BOP1: variants seen among roughly 807,000 people sequenced by gnomAD.
The protein encoded by BOP1 is BOP1 ribosomal biogenesis factor, also known as ribosome biogenesis protein BOP1.
Under a neutral mutation model 82.9 loss-of-function variants are expected in BOP1, and 54 were observed. The ratio of observed to expected loss-of-function variants is 0.65; its 90% CI spans 0.52 to 0.82. BOP1 has a LOEUF of 0.82. BOP1 is among the 40% of genes least tolerant of loss of function. The pLI is 0.00. For synonymous variants in BOP1, 566 were observed against 451.1 expected (o/e 1.25, Z -3.23); for missense variants, 1,170 against 1,072.0 (o/e 1.09, Z -1.28).
At chr8:144,280,396 C>G (rs1845649157) in intron 2 of BOP1, among the ~76,000 whole-genome samples, 1 of 152,356 alleles carries the variant, frequency 6.6e-6, no homozygotes, top group East Asian at 1.9e-4. Context: ...GCACCAGCAC[C>G]CAGACCCCAG....
intron 3 of BOP1, among the ~76,000 whole-genome samples, chr8:144,271,014 C>T (rs1845483253): frequency 1.3e-5 from 2 of 152,036 alleles, no homozygotes; most frequent in South Asian, 2.1e-4. Flanking sequence ...CCCCGCCCAG[C>T]GCAGCACCTG....
intron 2 of BOP1, among the ~76,000 whole-genome samples, chr8:144,280,539 A>G (rs1340767390): frequency 2.0e-5 from 3 of 152,380 alleles, no homozygotes; most frequent in African/African-American, 7.2e-5. Context: ...ATGCTCCGGC[A>G]CAGGCCAAAC....
intron 3 of BOP1, among the ~76,000 whole-genome samples, chr8:144,270,133 G>C (rs1376010352): frequency 6.6e-5 from 10 of 152,154 alleles, no homozygotes; most frequent in African/African-American, 2.4e-4. Context: ...CCAGGGCAGG[G>C]ACATCAGGGG....
intron 3 of BOP1, chr8:144,266,988 G>A (rs1845385140): frequency 2.8e-5 from 43 of 1,548,540 alleles, no homozygotes; most frequent in Non-Finnish European, 3.4e-5. Flanking sequence ...GCTACATCTC[G>A]CACCTGGGCA....
At chr8:144,273,203 C>G (rs1554837998) in intron 3 of BOP1, among the ~76,000 whole-genome samples, 1 of 152,228 alleles carries the variant, frequency 6.6e-6, no homozygotes, top group East Asian at 1.9e-4. Flanking sequence ...GCCGCCAGCA[C>G]TGGAGGCAGC....
chr8:144,263,802 G>A, intron 9 of BOP1, 29 bp downstream of exon 9: 86 of 1,607,740 alleles, frequency 5.3e-5, no homozygotes, highest in Non-Finnish European at 7.0e-5. Context: ...CTGGGAGGGT[G>A]CAACCCCAGC....
In BOP1 at chr8:144,291,241, G is replaced by A. The variant is rs1215300612; in HGVS notation, c.99+31C>T. On this transcript the variant is annotated intron_variant, in intron 1 of 15. Transcript: ENST00000569669. This position sits in a 1 kb window ranked among gnomAD's most constrained non-coding sequence, Gnocchi z 4.1. ...CGTGCCCGCCGGGCCCTCTAGGGAC[G>A]CGCCCCGCCGCCCCGCATCGCCACA... 1 of 1,437,616 alleles carries A rather than the reference G, an allele frequency of 7.0e-7. No individual in the cohort carries two copies. Among genetic ancestry groups the A allele is most frequent in the Non-Finnish European group, 9.1e-7 (1 of 1,097,586 alleles). The allele number at this position is 1,437,616 out of a possible 1,614,324, so 89.1% of individuals were successfully genotyped here. A position where few individuals can be genotyped will look rare whatever the true frequency, so the allele number is the denominator to read the frequency against.
intron 2 of BOP1, among the ~76,000 whole-genome samples, chr8:144,287,192 T>C (rs995616131): frequency 1.3e-5 from 2 of 151,950 alleles, no homozygotes; most frequent in Admixed American, 1.3e-4. Context: ...ATATTTTTAG[T>C]AGAGACAGGG....
chr8:144,262,436 C>T lies in BOP1; in HGVS notation c.2047G>A (p.Asp683Asn). ...TGGCAGACGATGACACTGCCGTCGT[C>T]CGAGCCTGACGCAAAGAGTGGGTAC... ...PRYPLFASGS[D>N]DGSVIVCHGM... Residue 683 changes from aspartate to asparagine, a missense_variant, in exon 15 of 16, where the codon GAC (aspartate) becomes AAC (asparagine). By Grantham distance (23) the Asp-to-Asn change is conservative. Transcript: ENST00000569669. The T allele has an allele frequency of 1.9e-6, 3 of 1,612,892 alleles. No homozygotes were observed. The highest frequency in any genetic ancestry group is 2.5e-6 in the Non-Finnish European group (3 of 1,179,842).
chr8:144,274,158 G>A (rs1016434069), intron 3 of BOP1, among the ~76,000 whole-genome samples: 3 of 152,074 alleles, frequency 2.0e-5, no homozygotes, highest in African/African-American at 4.8e-5. Context: ...CCACCCACGC[G>A]CTCCAGCTGA....
At chr8:144,266,541 G>T (rs1311845594) in intron 3 of BOP1, 2 of 995,198 alleles carry the variant, frequency 2.0e-6, no homozygotes, top group Admixed American at 6.1e-5. Context: ...GCCGGCCCGC[G>T]AGGCCCGCGG....
At chr8:144,265,636 A>T (rs1845344509) in intron 3 of BOP1, 1 of 162,164 alleles carries the variant, frequency 6.2e-6, no homozygotes, top group Non-Finnish European at 1.4e-5. Context: ...CAGCCTGGGG[A>T]CCGCTGCCCA....
chr8:144,272,663 A>C (rs1220294620), intron 3 of BOP1, among the ~76,000 whole-genome samples: 3 of 152,012 alleles, frequency 2.0e-5, no homozygotes, highest in African/African-American at 7.2e-5. Flanking sequence ...GCAGCCCACA[A>C]GCAGGAGGAC....
chr8:144,264,921 A>T lies in BOP1; in HGVS notation c.541T>A (p.Tyr181Asn), dbSNP rs1324689466. The T allele has an allele frequency of 2.5e-6, 4 of 1,610,690 alleles. No individual in the cohort carries two copies. Among genetic ancestry groups the T allele is most frequent in the Non-Finnish European group, 3.4e-6 (4 of 1,179,450 alleles). The change falls in exon 4 of 16, where the codon TAC (tyrosine) becomes AAC (asparagine). Residue 181 changes from tyrosine (Y) to asparagine (N), a missense_variant. Tyr to Asn is a moderately radical substitution (Grantham distance 143). Coordinates refer to ENST00000569669, the MANE Select transcript of BOP1 (RefSeq NM_015201.5). Reference sequence around the variant, plus strand: ...CCCCACCCCACCAGCCCTCACCAGTAGTCAGGATCGTCCATCTTGTCCAGG... The same window carrying T: ...CCCCACCCCACCAGCCCTCACCAGTTGTCAGGATCGTCCATCTTGTCCAGG... Reference protein sequence around the residue: ...QFLDKMDDPDYWRTVQDPMTG... With the variant: ...QFLDKMDDPDNWRTVQDPMTG...
chr8:144,283,034 CAA>C (rs527621932), intron 2 of BOP1, among the ~76,000 whole-genome samples: 2 of 134,762 alleles, frequency 1.5e-5, no homozygotes, highest in Non-Finnish European at 1.6e-5. Flanking sequence ...ACTAAAAATA[CAA>C]AAAAAAAAAA....
intron 1 of BOP1, among the ~76,000 whole-genome samples, chr8:144,290,425 C>T (rs564943309): frequency 9.9e-5 from 15 of 152,192 alleles, no homozygotes; most frequent in African/African-American, 3.6e-4. Context: ...TTACTGTTTT[C>T]CTAATAGTTT....
intron 3 of BOP1, among the ~76,000 whole-genome samples, chr8:144,271,136 G>A (rs1011097870): frequency 2.0e-5 from 3 of 152,118 alleles, no homozygotes; most frequent in Middle Eastern, 3.4e-3. Flanking sequence ...CCTGGGGGCC[G>A]CCCAGCCCCA....
At chr8:144,262,561 GC>G in intron 14 of BOP1, 26 bp downstream of exon 14, 1 of 1,612,890 alleles carries the variant, frequency 6.2e-7, no homozygotes, top group Non-Finnish European at 8.5e-7. Flanking sequence ...GGCTCTGCTG[GC>G]CGCCTCCACC....
chr8:144,271,615 C>T (rs559450561), intron 3 of BOP1, among the ~76,000 whole-genome samples: 82 of 152,236 alleles, frequency 5.4e-4, no homozygotes, highest in Middle Eastern at 3.4e-3. Flanking sequence ...AAGGCCAGGG[C>T]GGGAGGCTCA....
Sources: gnomAD v4.1 joint callset for allele counts (sites outside exome capture counted in the v4.1 genomes callset) on GRCh38, gnomAD v4.1.1 for gene constraint, Gnocchi (gnomAD v3.1) non-coding constraint, MANE v1.5 for transcripts, NCBI Gene and HGNC (gene_info 2026-07-23, HGNC 2026-07-21) for gene names.